PDCD5: variants seen among roughly 807,000 people sequenced by gnomAD.
PDCD5 encodes programmed cell death protein 5.
In PDCD5, 23 loss-of-function variants were observed where a neutral mutation model predicts 21.9. The ratio of observed to expected loss-of-function variants is 1.05; its 90% CI spans 0.76 to 1.49. The LOEUF is 1.49. Among genes scored for constraint, PDCD5 ranks in the 40% most tolerant of loss-of-function variants. The probability of loss-of-function intolerance (pLI) is 0.00; values close to 1 mark genes in which losing one functional copy is unlikely to be tolerated. For synonymous variants in PDCD5, 45 were observed against 49.4 expected (o/e 0.91, Z 0.37); for missense variants, 152 against 147.7 (o/e 1.03, Z -0.15).
In PDCD5 at chr19:32,586,839, T is replaced by C. The variant is rs1463386652; in HGVS notation, c.259-19T>C. ...GTTTAAAAAAGTACTGTTTTTCTTATCTTTTCTGGTTCTCCTAGGTATCAG... is the reference window on the plus strand; with the variant it reads ...GTTTAAAAAAGTACTGTTTTTCTTACCTTTTCTGGTTCTCCTAGGTATCAG... On this transcript the variant is annotated intron_variant, in intron 4 of 5. Transcript: ENST00000590247. 3.8e-6 allele frequency: 6 copies of C among 1,593,682 alleles called. No homozygotes were observed. The highest frequency in any genetic ancestry group is 2.2e-5 in the East Asian group (1 of 44,460).
chr19:32,586,906 A>G lies in PDCD5; in HGVS notation c.307A>G (p.Thr103Ala). The change falls in exon 5 of 6, where the codon ACA (threonine) becomes GCA (alanine). Residue 103 changes from threonine (T) to alanine (A), a missense_variant. Thr to Ala is a moderately conservative substitution (Grantham distance 58). Coordinates refer to ENST00000590247, the MANE Select transcript of PDCD5 (RefSeq NM_004708.4). Reference sequence around the variant, plus strand: ...AATCCTTAAAAAAGTAAGCCAACAAACAGAAAAGACAACAACAGTGAAAGT... The same window carrying G: ...AATCCTTAAAAAAGTAAGCCAACAAGCAGAAAAGACAACAACAGTGAAAGT... ...IEILKKVSQQ[T>A]EKTTTVKFNR... 1 of 1,612,570 alleles carries G rather than the reference A, an allele frequency of 6.2e-7. No homozygotes were observed. The highest frequency in any genetic ancestry group is 8.5e-7 in the Non-Finnish European group (1 of 1,179,326).
At chr19:32,583,609 G>A (rs1421272124) in intron 2 of PDCD5, among the ~76,000 whole-genome samples, 2 of 151,990 alleles carry the variant, frequency 1.3e-5, no homozygotes, top group South Asian at 4.2e-4. Context: ...CATTTTTAGA[G>A]ATACGTAAAA....
intron 2 of PDCD5, among the ~76,000 whole-genome samples, chr19:32,582,511 G>A (rs1480665812): frequency 6.6e-6 from 1 of 152,144 alleles, no homozygotes; most frequent in Non-Finnish European, 1.5e-5. Context: ...AGTTTCCTCG[G>A]CTGTGGGGGT....
chr19:32,582,841 ACTC>A (rs758986248), intron 2 of PDCD5, among the ~76,000 whole-genome samples: 8 of 151,302 alleles, frequency 5.3e-5, no homozygotes, highest in East Asian at 1.9e-4. Context: ...TCACCTTCTT[ACTC>A]CTCCTCTCCA....
intron 1 of PDCD5, 62 bp downstream of exon 1, chr19:32,581,389 AG>A (rs1425606351): frequency 1.4e-5 from 17 of 1,191,850 alleles, no homozygotes; most frequent in Admixed American, 6.7e-5. Context: ...CCCGGAGTGT[AG>A]GGCGCGCCTC....
At chr19:32,581,378 G>A (rs372844192) in intron 1 of PDCD5, 51 bp downstream of exon 1, 1 of 1,338,346 alleles carries the variant, frequency 7.5e-7, no homozygotes, top group Non-Finnish European at 9.9e-7. Flanking sequence ...CGCCGCCCTC[G>A]CCCGGAGTGT....
rs1486610195 is a variant in PDCD5 at position 32,582,203 on chromosome 19, T to C, written c.75T>C (p.Gly25=). 5 of 1,612,630 alleles carry C rather than the reference T, an allele frequency of 3.1e-6. No individual in the cohort carries two copies. Among genetic ancestry groups the C allele is most frequent in the Non-Finnish European group, 4.2e-6 (5 of 1,179,046 alleles). The change falls in exon 2 of 6, where the codon GGT becomes GGC. Residue 25 remains glycine, a synonymous_variant. Coordinates refer to ENST00000590247, the MANE Select transcript of PDCD5 (RefSeq NM_004708.4). Reference sequence around the variant, plus strand: ...AAGTTTTTTTTTTCCAGGATCCTGGTGATGCGGCCCAACAGGAAGCAAAGC... The same window carrying C: ...AAGTTTTTTTTTTCCAGGATCCTGGCGATGCGGCCCAACAGGAAGCAAAGC... The part of the protein sequence containing the change: ...AELQAKHGDP[G]DAAQQEAKHR...
intron 4 of PDCD5, 89 bp downstream of exon 4, chr19:32,585,996 C>G: frequency 6.2e-7 from 1 of 1,611,612 alleles, no homozygotes; most frequent in Admixed American, 1.7e-5. Flanking sequence ...CACTGGATTA[C>G]AGAATTCTTG....
chr19:32,581,894 C>T (rs184226649), intron 1 of PDCD5, among the ~76,000 whole-genome samples: 77 of 152,268 alleles, frequency 5.1e-4, no homozygotes, highest in Non-Finnish European at 7.9e-4. Flanking sequence ...TCCCTAATAC[C>T]GAGGCCCGTT....
In PDCD5 at chr19:32,581,230, G is replaced by T. The variant is rs1971419924; in HGVS notation, c.-32G>T. ...GCTCGCGCCGAGGGGCTGCGAGAGT[G>T]ACCGCGGCTGCTCCAGCGCTGACGC... On this transcript the variant is annotated 5_prime_UTR_variant, in exon 1 of 6. Transcript: ENST00000590247. 1 of 1,464,494 alleles carries T rather than the reference G, an allele frequency of 6.8e-7. No individual in the cohort carries two copies. The highest frequency in any genetic ancestry group is 9.1e-7 in the Non-Finnish European group (1 of 1,104,584). 90.7% of individuals were successfully genotyped at this position (1,464,494 alleles called of 1,614,324 possible). A position where few individuals can be genotyped will look rare whatever the true frequency, so the allele number is the denominator to read the frequency against.
At chr19:32,581,561 G>C (rs1599721014) in intron 1 of PDCD5, 1 of 360,886 alleles carries the variant, frequency 2.8e-6, no homozygotes, top group East Asian at 4.2e-5. Flanking sequence ...CCTGGCGTTG[G>C]GGTGTGGGGT....
chr19:32,584,820 C>T (rs62103897), intron 2 of PDCD5, 130 bp from the exon 3 acceptor site: 8,215 of 741,300 alleles, frequency 0.011, 97 homozygotes, highest in Middle Eastern at 0.03. Flanking sequence ...TGTACAGCAA[C>T]TACCATAATG....
chr19:32,585,983 C>G, intron 4 of PDCD5, 76 bp downstream of exon 4: 1 of 1,613,174 alleles, frequency 6.2e-7, no homozygotes, highest in Non-Finnish European at 8.5e-7. Flanking sequence ...TCAGCTGCAT[C>G]TTCACTGGAT....
Position 32,587,299 on chromosome 19 carries a change from G to C in PDCD5, c.377G>C (p.Ter126SerextTer35). 6.2e-7 allele frequency: 1 copy of C among 1,602,386 alleles called. No homozygotes were observed. The highest frequency in any genetic ancestry group is 8.5e-7 in the Non-Finnish European group (1 of 1,171,218). ...VMDSDEDDDY* is the reference protein window; with the variant it reads ...VMDSDEDDDYS ...GACTCTGATGAAGATGACGATTATT[G>C]AACTACAAGTGCTCACAGACTAGAA... The change falls in exon 6 of 6, where the codon TGA becomes TCA. Residue 126 changes from the stop codon to serine (S), a stop_lost. Coordinates refer to ENST00000590247, the MANE Select transcript of PDCD5 (RefSeq NM_004708.4).
intron 1 of PDCD5, 21 bp from the exon 2 acceptor site, chr19:32,582,174 A>AT: frequency 4.4e-6 from 7 of 1,599,812 alleles, no homozygotes; most frequent in Middle Eastern, 1.7e-4. Context: ...TCTCTATTAA[A>AT]TTTAAGTTTT....
chr19:32,581,257 G>A lies in PDCD5; in HGVS notation c.-5G>A. ...CCGCGGCTGCTCCAGCGCTGACGCC[G>A]AGCCATGGCGGACGAGGAGCTTGAG... On this transcript the variant is annotated 5_prime_UTR_variant, in exon 1 of 6. Transcript: ENST00000590247. 6.6e-7 allele frequency: 1 copy of A among 1,508,518 alleles called. No individual in the cohort carries two copies. Among genetic ancestry groups the A allele is most frequent in the Non-Finnish European group, 8.8e-7 (1 of 1,130,106 alleles). 93.4% of individuals were successfully genotyped at this position (1,508,518 alleles called of 1,614,324 possible).
chr19:32,581,344 CCGCCAGGCTTGGCCCT>C lies in PDCD5; in HGVS notation c.66+21_66+36del. 2 of 1,476,468 alleles carry C rather than the reference CCGCCAGGCTTGGCCCT, an allele frequency of 1.4e-6. No homozygotes were observed. The highest frequency in any genetic ancestry group is 1.8e-6 in the Non-Finnish European group (2 of 1,111,926). 91.5% of individuals were successfully genotyped at this position (1,476,468 alleles called of 1,614,324 possible). ...AAACACGGGGTGAGCGCATCAGCCC[CCGCCAGGCTTGGCCCT>C]CGCGGGGCGCCGCCCTCGCCCGGAG... On this transcript the variant is annotated intron_variant, in intron 1 of 5. Coordinates refer to ENST00000590247, the MANE Select transcript of PDCD5 (RefSeq NM_004708.4).
intron 3 of PDCD5, 57 bp from the exon 4 acceptor site, chr19:32,585,759 T>A (rs1429774670): frequency 2.0e-6 from 2 of 997,224 alleles, no homozygotes; most frequent in Non-Finnish European, 3.2e-6. Context: ...TTTTAAGGTA[T>A]AACATAAGTG....
intron 4 of PDCD5, 56 bp from the exon 5 acceptor site, chr19:32,586,802 G>T: frequency 1.3e-6 from 2 of 1,578,678 alleles, no homozygotes; most frequent in East Asian, 4.5e-5. Context: ...CATCTGCAGA[G>T]GTAAATTCTT....
Sources: gnomAD v4.1 joint callset for allele counts (sites outside exome capture counted in the v4.1 genomes callset) on GRCh38, gnomAD v4.1.1 for gene constraint, MANE v1.5 for transcripts, NCBI Gene and HGNC (gene_info 2026-07-23, HGNC 2026-07-21) for gene names.